Variants in CSMD1 observed in about 807,000 individuals in gnomAD.
CSMD1 encodes CUB and Sushi multiple domains 1, also known as CUB and sushi domain-containing protein 1.
CSMD1 carries 213 observed loss-of-function variants against 417.5 expected under a neutral mutation model. The ratio of observed to expected loss-of-function variants is 0.51; its 90% confidence interval spans 0.46 to 0.57. The LOEUF is 0.57. Among genes scored for constraint, CSMD1 ranks in the 20% least tolerant of loss-of-function variants. The pLI, the probability that CSMD1 is intolerant of heterozygous loss-of-function variation, is 0.00. For missense variants in CSMD1, 6,923 were observed against 4,529.7 expected, an observed-to-expected ratio of 1.53 and a Z score of -15.17; for synonymous variants, 2,862 against 1,736.8, an observed-to-expected ratio of 1.65 and a Z score of -16.11.
chr8:4,415,092 G>C (rs1436745568), intron 3 of CSMD1, among the ~76,000 whole-genome samples: 2 of 152,132 alleles, frequency 1.3e-5, no homozygotes, highest in Non-Finnish European at 1.5e-5. Context: ...ATCTCACGGA[G>C]TAAGTTTTCT....
intron 25 of CSMD1, among the ~76,000 whole-genome samples, chr8:3,303,827 T>G (rs1804600143): frequency 6.6e-6 from 1 of 152,232 alleles, no homozygotes; most frequent in African/African-American, 2.4e-5. Context: ...TACAATGTCT[T>G]GTGATTAGAC....
intron 5 of CSMD1, among the ~76,000 whole-genome samples, chr8:3,869,504 G>C (rs183697242): frequency 2.6e-5 from 4 of 152,138 alleles, no homozygotes; most frequent in Admixed American, 6.5e-5. Context: ...GGCTGAATGC[G>C]TTTGATATGC....
At chr8:4,819,229 A>G (rs1799380703) in intron 1 of CSMD1, among the ~76,000 whole-genome samples, 1 of 152,198 alleles carries the variant, frequency 6.6e-6, no homozygotes, top group Non-Finnish European at 1.5e-5. Flanking sequence ...TTATTACAAT[A>G]TTAACTAGTA....
At chr8:4,366,115 G>A (rs976119189) in intron 3 of CSMD1, among the ~76,000 whole-genome samples, 2 of 151,966 alleles carry the variant, frequency 1.3e-5, no homozygotes, top group African/African-American at 4.8e-5. Context: ...GGCACCTGTT[G>A]TTCCCTACTT....
intron 3 of CSMD1, among the ~76,000 whole-genome samples, chr8:4,352,633 G>T (rs1339944793): frequency 6.6e-6 from 1 of 152,172 alleles, no homozygotes; most frequent in Non-Finnish European, 1.5e-5. Context: ...TGACACCGAG[G>T]AGCTTAACAG....
chr8:3,646,435 C>G (rs1400630920), intron 7 of CSMD1, among the ~76,000 whole-genome samples: 3 of 152,020 alleles, frequency 2.0e-5, no homozygotes, highest in Non-Finnish European at 4.4e-5. Flanking sequence ...AAATTAAGAA[C>G]CTTGTTTGTA....
intron 7 of CSMD1, among the ~76,000 whole-genome samples, chr8:3,696,403 C>G (rs1800555622): frequency 6.6e-6 from 1 of 152,190 alleles, no homozygotes; most frequent in Non-Finnish European, 1.5e-5. Context: ...TCAAACGTGA[C>G]TTAGTTTTCT....
In CSMD1 at chr8:4,263,334, T is replaced by C. The variant is rs1160512961; in HGVS notation, c.415+156619A>G. Among the ~76,000 whole-genome samples, 5 of 152,174 alleles carry C rather than the reference T, an allele frequency of 3.3e-5. No homozygotes were observed. The South Asian group carries it at 8.3e-4, about 25-fold the overall frequency. ...ACCAAAAGGGGCCTCTGTGACTTCT[T>C]TCCCCTGGAGTTATGGTGAACAAAC... On this transcript the variant is annotated intron_variant, in intron 3 of 69. Coordinates refer to ENST00000635120, the MANE Select transcript of CSMD1 (RefSeq NM_033225.6).
intron 1 of CSMD1, among the ~76,000 whole-genome samples, chr8:4,975,000 G>A (rs1251764614): frequency 2.6e-5 from 4 of 152,154 alleles, no homozygotes; most frequent in South Asian, 2.1e-4. Context: ...TGAGAAAATG[G>A]ATGTTTTTTT....
At chr8:4,923,863 C>A (rs1806667693) in intron 1 of CSMD1, among the ~76,000 whole-genome samples, 1 of 152,150 alleles carries the variant, frequency 6.6e-6, no homozygotes, top group South Asian at 2.1e-4. Context: ...AACTGGCCCA[C>A]AAACTATAGG....
chr8:3,357,247 T>C (rs1026455646), intron 21 of CSMD1, among the ~76,000 whole-genome samples: 1 of 152,172 alleles, frequency 6.6e-6, no homozygotes, highest in Non-Finnish European at 1.5e-5. Flanking sequence ...TCCAAGGCCC[T>C]CCTGTCCAGT....
chr8:4,099,194 TCACACACACACG>T (rs1585310880), intron 3 of CSMD1, among the ~76,000 whole-genome samples: 1 of 143,528 alleles, frequency 7.0e-6, no homozygotes, highest in Non-Finnish European at 1.5e-5. Context: ...ACATACACAC[TCACACACACACG>T]CACACACACA....
At chr8:3,086,810 T>C (rs74327186) in intron 49 of CSMD1, among the ~76,000 whole-genome samples, 21,807 of 152,192 alleles carry the variant, frequency 0.14, 1,805 homozygotes, top group East Asian at 0.33. Flanking sequence ...TTATTTTGAA[T>C]CTTAAATTGG....
chr8:4,703,783 G>A lies in CSMD1; in HGVS notation c.86-66225C>T, dbSNP rs146086469. Among the ~76,000 whole-genome samples the A allele has an allele frequency of 6.0e-3, 910 of 152,164 alleles. 5 individuals carry two copies. The highest frequency in any genetic ancestry group is 0.037 in the Middle Eastern group (11 of 294). ...CAGATACAGAAAAGCATTGGGATACGAAGAGACCCGATCATCAAGCTCAAC... is the reference window on the plus strand; with the variant it reads ...CAGATACAGAAAAGCATTGGGATACAAAGAGACCCGATCATCAAGCTCAAC... On this transcript the variant is annotated intron_variant, in intron 1 of 69. Transcript: ENST00000635120.
chr8:4,108,049 CA>C (rs1563133491), intron 3 of CSMD1, among the ~76,000 whole-genome samples: 4 of 2,230 alleles, frequency 1.8e-3, no homozygotes, highest in African/African-American at 5.7e-3. Context: ...GAAAGAGAGA[CA>C]GAGACAGAGA....
At chr8:4,393,041 C>A (rs757888404) in intron 3 of CSMD1, among the ~76,000 whole-genome samples, 1 of 152,126 alleles carries the variant, frequency 6.6e-6, no homozygotes, top group Non-Finnish European at 1.5e-5. Flanking sequence ...AGTGACATGA[C>A]CTAGGCTCAC....
intron 26 of CSMD1, among the ~76,000 whole-genome samples, chr8:3,234,159 G>C (rs961439156): frequency 1.1e-4 from 16 of 152,180 alleles, no homozygotes; most frequent in Admixed American, 9.2e-4. Flanking sequence ...GATCAGCAGA[G>C]GCAATCAGGG....
intron 1 of CSMD1, among the ~76,000 whole-genome samples, chr8:4,799,144 T>C (rs1798142342): frequency 6.6e-6 from 1 of 152,078 alleles, no homozygotes; most frequent in South Asian, 2.1e-4. Flanking sequence ...ACTCAATACA[T>C]GAGAGATGTG....
chr8:3,421,951 A>G (rs1813515900), intron 12 of CSMD1, among the ~76,000 whole-genome samples: 1 of 151,314 alleles, frequency 6.6e-6, no homozygotes, highest in Admixed American at 6.6e-5. Flanking sequence ...CAGATGGCTT[A>G]GAGTATTAGC....
Sources: allele counts gnomAD v4.1 joint callset (sites outside exome capture counted in the v4.1 genomes callset), GRCh38; gene constraint gnomAD v4.1.1; transcripts MANE v1.5; gene names NCBI Gene and HGNC (gene_info 2026-07-23, HGNC 2026-07-21).